The following CNTN5 variants were observed in gnomAD, a reference collection of about 807,000 sequenced individuals.
CNTN5 encodes contactin-5.
Under a neutral mutation model 129.1 loss-of-function variants are expected in CNTN5, and 77 were observed. The observed-to-expected ratio is 0.60, with a 90% CI of 0.50 to 0.72. The LOEUF is 0.72. Among genes scored for constraint, CNTN5 ranks in the 30% least tolerant of loss-of-function variants. The pLI is 0.00. For missense variants in CNTN5, 1,478 were observed against 1,328.8 expected (o/e 1.11, Z -1.75); for synonymous variants, 509 against 465.6 (o/e 1.09, Z -1.20).
At chr11:100,284,976 T>G (rs1203925193) in intron 18 of CNTN5, among the ~76,000 whole-genome samples, 1 of 152,210 alleles carries the variant, frequency 6.6e-6, no homozygotes, top group Non-Finnish European at 1.5e-5. Flanking sequence ...AGGAAGTATG[T>G]CATTTAAGGC....
intron 6 of CNTN5, among the ~76,000 whole-genome samples, chr11:99,865,768 A>G (rs1053792226): frequency 5.9e-5 from 9 of 152,070 alleles, no homozygotes; most frequent in Non-Finnish European, 8.8e-5. Context: ...ATTAATAGTA[A>G]TGTGTGATTT....
At chr11:99,699,287 G>A (rs754235246) in intron 3 of CNTN5, among the ~76,000 whole-genome samples, 2 of 151,336 alleles carry the variant, frequency 1.3e-5, no homozygotes, top group Non-Finnish European at 1.5e-5. Context: ...TATATTTAAT[G>A]TTTAATTTGT....
chr11:100,178,656 T>C (rs1263177336), intron 13 of CNTN5, among the ~76,000 whole-genome samples: 1 of 152,204 alleles, frequency 6.6e-6, no homozygotes, highest in Non-Finnish European at 1.5e-5. Flanking sequence ...CATAGTAAGA[T>C]TGTGTTTCCT....
At chr11:99,186,789 A>C (rs1858376222) in intron 1 of CNTN5, among the ~76,000 whole-genome samples, 1 of 151,950 alleles carries the variant, frequency 6.6e-6, no homozygotes, top group Admixed American at 6.6e-5. Context: ...GGGATACCTA[A>C]AAGTATTACT....
At chr11:100,115,048 C>T (rs965854615) in intron 13 of CNTN5, among the ~76,000 whole-genome samples, 2 of 148,254 alleles carry the variant, frequency 1.3e-5, no homozygotes, top group African/African-American at 5.0e-5. Context: ...TTAGGACTGC[C>T]TCCTCTCCCA....
chr11:99,104,038 C>A (rs939107380), intron 1 of CNTN5, among the ~76,000 whole-genome samples: 5 of 151,960 alleles, frequency 3.3e-5, no homozygotes, highest in Admixed American at 3.3e-4. Flanking sequence ...TTATGGCAGA[C>A]CTAGGAAGCT....
At chr11:100,037,466 G>T (rs1185145174) in intron 9 of CNTN5, among the ~76,000 whole-genome samples, 1 of 152,036 alleles carries the variant, frequency 6.6e-6, no homozygotes. Flanking sequence ...TTGGTATCAG[G>T]ATGATGCTGG....
intron 15 of CNTN5, among the ~76,000 whole-genome samples, chr11:100,212,002 C>T (rs187649484): frequency 5.9e-5 from 9 of 152,048 alleles, no homozygotes; most frequent in Non-Finnish European, 1.3e-4. Flanking sequence ...TGACTTTCCC[C>T]CTACTTTTAT....
At chr11:99,255,367 G>A (rs928980682) in intron 1 of CNTN5, among the ~76,000 whole-genome samples, 2 of 151,474 alleles carry the variant, frequency 1.3e-5, no homozygotes, top group African/African-American at 4.8e-5. Flanking sequence ...AGTTGAAGGG[G>A]ATAAATTATT....
intron 6 of CNTN5, among the ~76,000 whole-genome samples, chr11:99,867,269 G>T (rs1948381785): frequency 6.6e-6 from 1 of 152,152 alleles, no homozygotes. Context: ...ATAAGGATTT[G>T]TTCTTAAGTA....
At chr11:99,408,543 G>A (rs571536202) in intron 2 of CNTN5, among the ~76,000 whole-genome samples, 3 of 146,252 alleles carry the variant, frequency 2.1e-5, no homozygotes, top group Non-Finnish European at 4.5e-5. Context: ...TATGTTGCCT[G>A]GGCTGACCTC....
At chr11:100,303,305 G>A (rs918522152) in intron 20 of CNTN5, among the ~76,000 whole-genome samples, 1 of 151,426 alleles carries the variant, frequency 6.6e-6, no homozygotes, top group African/African-American at 2.4e-5. Context: ...AAAAAGAATA[G>A]TGAAGTTTCA....
chr11:99,666,310 C>A (rs980896575), intron 3 of CNTN5, among the ~76,000 whole-genome samples: 1 of 152,134 alleles, frequency 6.6e-6, no homozygotes, highest in Non-Finnish European at 1.5e-5. Flanking sequence ...TCCCAGTCTA[C>A]AACAGAAAGT....
At chr11:99,060,427 C>T (rs527284967) in intron 1 of CNTN5, among the ~76,000 whole-genome samples, 10 of 152,144 alleles carry the variant, frequency 6.6e-5, no homozygotes, top group African/African-American at 2.4e-4. Context: ...AGAAAGTCCA[C>T]AAATTGCAGA....
chr11:99,463,391 T>C (rs866329419), intron 2 of CNTN5, among the ~76,000 whole-genome samples: 17 of 138,144 alleles, frequency 1.2e-4, no homozygotes, highest in Middle Eastern at 8.1e-3. Context: ...TGAGCCGAGA[T>C]CGCGCCACTG....
chr11:99,916,115 C>T lies in CNTN5; in HGVS notation c.639C>T (p.Val213=), dbSNP rs763566351. Reference sequence around the variant, plus strand: ...TCTCTGTGAGGGAAGGCCAGGGTGTCGTTCTGATGTGCTCTCCTCCGCCAC... The same window carrying T: ...TCTCTGTGAGGGAAGGCCAGGGTGTTGTTCTGATGTGCTCTCCTCCGCCAC... The part of the protein sequence containing the change: ...SAVSVREGQG[V]VLMCSPPPHS... Residue 213 remains valine (V), a synonymous_variant, in exon 7 of 25, where the codon GTC becomes GTT. Coordinates refer to ENST00000524871, the MANE Select transcript of CNTN5 (RefSeq NM_014361.4). 4.3e-6 allele frequency: 7 copies of T among 1,612,126 alleles called. No homozygotes were observed. The East Asian group carries it at 6.7e-5, about 15-fold the overall frequency.
At chr11:99,529,896 CAAAT>C (rs1947631138) in intron 2 of CNTN5, among the ~76,000 whole-genome samples, 1 of 151,972 alleles carries the variant, frequency 6.6e-6, no homozygotes, top group East Asian at 1.9e-4. Context: ...AAATGTTAAA[CAAAT>C]AAACAGTAAG....
chr11:100,058,512 C>T (rs1206813620), intron 9 of CNTN5, among the ~76,000 whole-genome samples: 3 of 152,042 alleles, frequency 2.0e-5, no homozygotes, highest in African/African-American at 7.2e-5. Context: ...ATTCTAGGAT[C>T]TATTAAAAGA....
At chr11:100,333,509 G>C (rs556006522) in intron 21 of CNTN5, among the ~76,000 whole-genome samples, 1 of 151,074 alleles carries the variant, frequency 6.6e-6, no homozygotes, top group Admixed American at 6.6e-5. Context: ...AAATCTGGAG[G>C]CATCACATTT....
Sources: allele counts gnomAD v4.1 joint callset (sites outside exome capture counted in the v4.1 genomes callset), GRCh38; gene constraint gnomAD v4.1.1; transcripts MANE v1.5; gene names NCBI Gene and HGNC (gene_info 2026-07-23, HGNC 2026-07-21).